The following SIPA1L3 variants were observed in gnomAD, a reference collection of about 807,000 sequenced individuals.
SIPA1L3 encodes the protein signal-induced proliferation-associated 1-like protein 3.
SIPA1L3 carries 59 observed loss-of-function variants against 150.1 expected under a neutral mutation model. The ratio of observed to expected loss-of-function variants is 0.39; its 90% CI spans 0.32 to 0.49. The LOEUF (loss-of-function observed/expected upper bound fraction) is 0.49. Among genes scored for constraint, SIPA1L3 ranks in the 20% least tolerant of loss-of-function variants. SIPA1L3 has a pLI of 0.86. For missense variants in SIPA1L3, 2,211 were observed against 2,489.5 expected (o/e 0.89, Z 2.38); for synonymous variants, 1,070 against 1,077.6 (o/e 0.99, Z 0.14).
intron 2 of SIPA1L3, among the ~76,000 whole-genome samples, chr19:38,063,201 A>AC (rs1357928070): frequency 8.0e-5 from 12 of 149,922 alleles, no homozygotes; most frequent in East Asian, 4.0e-4. Flanking sequence ...TTTCCCCTCC[A>AC]CCCCCCTCCC....
intron 19 of SIPA1L3, among the ~76,000 whole-genome samples, chr19:38,199,609 GGA>G (rs1456365538): frequency 1.3e-5 from 2 of 152,116 alleles, no homozygotes; most frequent in Non-Finnish European, 2.9e-5. Flanking sequence ...AGGTTACGGG[GGA>G]GAGGGGGGAG....
intron 1 of SIPA1L3, among the ~76,000 whole-genome samples, chr19:37,917,829 A>C (rs1483968700): frequency 2.6e-5 from 4 of 151,724 alleles, no homozygotes; most frequent in African/African-American, 9.7e-5. Context: ...ACAAAGCAAG[A>C]CTCCACCTCT....
intron 15 of SIPA1L3, among the ~76,000 whole-genome samples, chr19:38,177,949 C>T (rs930336715): frequency 1.3e-5 from 2 of 152,042 alleles, no homozygotes; most frequent in Admixed American, 1.3e-4. Context: ...TCGCTTGAAC[C>T]CCGGAGGCGC....
At chr19:37,987,243 G>A (rs1205517784) in intron 1 of SIPA1L3, among the ~76,000 whole-genome samples, 1 of 152,080 alleles carries the variant, frequency 6.6e-6, no homozygotes, top group East Asian at 1.9e-4. Flanking sequence ...TGCTTTTTCA[G>A]TGAGCTCCCA....
At chr19:38,176,580 G>C (rs559087823) in intron 15 of SIPA1L3, among the ~76,000 whole-genome samples, 1 of 152,008 alleles carries the variant, frequency 6.6e-6, no homozygotes, top group Non-Finnish European at 1.5e-5. Flanking sequence ...CTTTTATTCC[G>C]TACATGTTCC....
rs1444130205 is a variant in SIPA1L3, at chr19:38,118,569, T to C, written c.2292-737T>C. On this transcript the variant is annotated intron_variant, in intron 8 of 21. Coordinates refer to ENST00000222345, the MANE Select transcript of SIPA1L3 (RefSeq NM_015073.3). The stretch of plus-strand genomic sequence containing the variant: ...TTTTTTTTTTGAGACAGTCTCGATC[T>C]GTGCCCCAGGCTGGAGTGCAGTGGC... 2.0e-5 allele frequency among the ~76,000 whole-genome samples: 3 copies of C among 151,860 alleles called. No homozygotes were observed. The East Asian group carries it at 5.9e-4, about 30-fold the overall frequency.
chr19:37,983,964 C>G (rs1967271544), intron 1 of SIPA1L3, among the ~76,000 whole-genome samples: 2 of 151,836 alleles, frequency 1.3e-5, no homozygotes, highest in South Asian at 2.1e-4. Flanking sequence ...AACTGTAACC[C>G]TGATCAGTAA....
intron 1 of SIPA1L3, among the ~76,000 whole-genome samples, chr19:37,943,100 C>G (rs545070193): frequency 4.8e-5 from 7 of 146,460 alleles, no homozygotes; most frequent in South Asian, 4.4e-4. Flanking sequence ...TATCAAACTC[C>G]TGGCACCAGG....
chr19:38,052,560 T>C (rs972131337), intron 2 of SIPA1L3, among the ~76,000 whole-genome samples: 6 of 152,206 alleles, frequency 3.9e-5, no homozygotes, highest in Non-Finnish European at 7.3e-5. Flanking sequence ...TAGTTCCCTG[T>C]GTTTCAGAGC....
At chr19:38,151,784 G>A (rs952047917) in intron 12 of SIPA1L3, among the ~76,000 whole-genome samples, 5 of 151,950 alleles carry the variant, frequency 3.3e-5, no homozygotes, top group African/African-American at 1.2e-4. Context: ...GCAACATGGT[G>A]AAACCCATCT....
At chr19:37,956,481 A>AAT (rs2046811719) in intron 1 of SIPA1L3, among the ~76,000 whole-genome samples, 1 of 114,514 alleles carries the variant, frequency 8.7e-6, no homozygotes, top group Non-Finnish European at 1.7e-5. Context: ...GAAGTATAAA[A>AAT]GTTTTGTTTT....
chr19:38,067,245 C>G (rs987734927), intron 2 of SIPA1L3, among the ~76,000 whole-genome samples: 1 of 151,944 alleles, frequency 6.6e-6, no homozygotes, highest in African/African-American at 2.4e-5. Context: ...TTTTGATGCA[C>G]AGTTCTAACT....
intron 8 of SIPA1L3, among the ~76,000 whole-genome samples, chr19:38,116,674 C>A (rs62121435): frequency 2.0e-5 from 3 of 150,184 alleles, no homozygotes; most frequent in Non-Finnish European, 4.4e-5. Flanking sequence ...ATAGTGAAAC[C>A]CCATCCCCAT....
Position 38,193,529 on chromosome 19 carries a change from C to A in SIPA1L3, c.4597-8C>A, listed in dbSNP as rs781356886. Reference sequence around the variant, plus strand: ...GACCTCCCCCAACATCCCACCCACGCCCCACAGCAGTCACCGCAGAAGGGC... The same window carrying A: ...GACCTCCCCCAACATCCCACCCACGACCCACAGCAGTCACCGCAGAAGGGC... On this transcript the variant is annotated splice_region_variant and splice_polypyrimidine_tract_variant and intron_variant, in intron 17 of 21. Transcript: ENST00000222345. 8.9e-6 allele frequency: 13 copies of A among 1,459,904 alleles called. 1 individual carries two copies. In the South Asian group the frequency reaches 1.7e-4, roughly 19 times the overall value. The allele number at this position is 1,459,904 out of a possible 1,614,324, so 90.4% of individuals were successfully genotyped here. A position where few individuals can be genotyped will look rare whatever the true frequency, so the allele number is the denominator to read the frequency against.
intron 2 of SIPA1L3, among the ~76,000 whole-genome samples, chr19:38,064,569 G>C (rs923314481): frequency 6.6e-6 from 1 of 152,060 alleles, no homozygotes; most frequent in African/African-American, 2.4e-5. Context: ...TGGTGGTGTG[G>C]GTGCCTGTAA....
rs536022611 is a variant in SIPA1L3, at chr19:38,194,495, G to T, written c.4840+715G>T. On this transcript the variant is annotated intron_variant, in intron 18 of 21. Coordinates refer to ENST00000222345, the MANE Select transcript of SIPA1L3 (RefSeq NM_015073.3). ...CCCTACTTAGTGCTAGCAATGAGGAGCTTGGGGCAGAGCGCTGGCGTGCCA... is the reference window on the plus strand; with the variant it reads ...CCCTACTTAGTGCTAGCAATGAGGATCTTGGGGCAGAGCGCTGGCGTGCCA... Among the ~76,000 whole-genome samples the T allele has an allele frequency of 3.9e-5, 6 of 152,346 alleles. No individual in the cohort carries two copies. The South Asian group carries it at 1.0e-3, about 26-fold the overall frequency.
chr19:38,081,074 T>G, intron 2 of SIPA1L3, among the ~76,000 whole-genome samples, 182 bp from the exon 3 acceptor site: 1 of 149,630 alleles, frequency 6.7e-6, no homozygotes, highest in East Asian at 1.9e-4. Flanking sequence ...TGGAAAATAG[T>G]TAGTGGTTGT....
chr19:38,159,722 T>G (rs557696483), intron 13 of SIPA1L3, among the ~76,000 whole-genome samples: 1 of 152,376 alleles, frequency 6.6e-6, no homozygotes, highest in African/African-American at 2.4e-5. Flanking sequence ...CCGAGTCTTG[T>G]TCCACATCTA....
chr19:37,916,301 A>G (rs2046414198), intron 1 of SIPA1L3, among the ~76,000 whole-genome samples: 1 of 151,962 alleles, frequency 6.6e-6, no homozygotes, highest in Non-Finnish European at 1.5e-5. Flanking sequence ...TGCTGGGATT[A>G]CAGACGTGAG....
Sources: gnomAD v4.1 joint callset for allele counts (sites outside exome capture counted in the v4.1 genomes callset) on GRCh38, gnomAD v4.1.1 for gene constraint, MANE v1.5 for transcripts, NCBI Gene and HGNC (gene_info 2026-07-23, HGNC 2026-07-21) for gene names.